The following CDC6 variants were observed in gnomAD, a reference collection of about 807,000 sequenced individuals.
CDC6 encodes the protein cell division cycle 6.
In CDC6, 46 loss-of-function variants were observed where a neutral mutation model predicts 60.2. The ratio of observed to expected loss-of-function variants is 0.76; its 90% CI spans 0.60 to 0.98. The LOEUF (loss-of-function observed/expected upper bound fraction) is 0.98, where lower values mean the gene tolerates loss of function less well. CDC6 is among the 50% of genes least tolerant of loss of function. The pLI, the probability that CDC6 is intolerant of heterozygous loss-of-function variation, is 0.00. For synonymous variants in CDC6, 210 were observed against 233.2 expected (o/e 0.90, Z 0.90); for missense variants, 596 against 652.9 (o/e 0.91, Z 0.95).
In CDC6 at chr17:40,302,699, A is replaced by T. The variant is rs2032957779; in HGVS notation, c.*698A>T. 1 of 152,260 alleles carries T rather than the reference A, an allele frequency of 6.6e-6. No homozygotes were observed. Among genetic ancestry groups the T allele is most frequent in the South Asian group, 2.1e-4 (1 of 4,828 alleles). 9.4% of individuals were successfully genotyped at this position (152,260 alleles called of 1,614,324 possible). On this transcript the variant is annotated 3_prime_UTR_variant, in exon 12 of 12. Coordinates refer to ENST00000209728, the MANE Select transcript of CDC6 (RefSeq NM_001254.4). ...GAACTTTAAGTTTAGGGTAAGAAGA[A>T]TGAAAATGATCCAGAAAAATGCAAG...
chr17:40,296,880 A>G lies in CDC6; in HGVS notation c.1249+113A>G, dbSNP rs1598517068. On this transcript the variant is annotated intron_variant, in intron 9 of 11. Transcript: ENST00000209728. ...GTTAAATCCAAACTCACCCATTTTT[A>G]TGTGTGTCTGTGTTTTTAGTCCGTT... is the stretch of plus-strand genomic sequence containing the variant. 3.2e-5 allele frequency: 26 copies of G among 800,906 alleles called. 1 individual carries two copies. The South Asian group carries it at 3.6e-4, about 11-fold the overall frequency. The allele number at this position is 800,906 out of a possible 1,614,324, so 49.6% of individuals were successfully genotyped here.
At chr17:40,293,883 C>A in intron 5 of CDC6, 67 bp from the exon 6 acceptor site, 1 of 1,340,230 alleles carries the variant, frequency 7.5e-7, no homozygotes, top group South Asian at 1.2e-5. Flanking sequence ...GACCTGAAGT[C>A]AGCCTATATC....
Position 40,300,988 on chromosome 17 carries a change from C to T in CDC6, c.1410C>T (p.Leu470=), listed in dbSNP as rs2143111587. The part of the protein sequence containing the change: ...QQKILVCSLM[L]LIRQLKIKEV... ...AGATCTTGGTTTGCTCTTTGATGCT[C>T]TTGATCAGGCAGTTGAAAATCAAAG... The change falls in exon 10 of 12, where the codon CTC becomes CTT. Residue 470 remains leucine (L), a synonymous_variant. Coordinates refer to ENST00000209728, the MANE Select transcript of CDC6 (RefSeq NM_001254.4). The T allele has an allele frequency of 7.4e-6, 12 of 1,613,992 alleles. No homozygotes were observed. Among genetic ancestry groups the T allele is most frequent in the African/African-American group, 1.3e-5 (1 of 75,012 alleles).
rs757350403 is a variant in CDC6 at position 40,293,597 on chromosome 17, G to GA, written c.807dup (p.His270ThrfsTer33). 6.2e-7 allele frequency: 1 copy of GA among 1,613,914 alleles called. No individual in the cohort carries two copies. Among genetic ancestry groups the GA allele is most frequent in the Admixed American group, 1.7e-5 (1 of 60,006 alleles). ...TGGGAAGGACATGATGAGGAAATTGGAAAAACATATGACTGCAGAGAAGGG... is the reference window on the plus strand; with the variant it reads ...TGGGAAGGACATGATGAGGAAATTGGAAAAAACATATGACTGCAGAGAAGGG... On this transcript the variant is annotated frameshift_variant, in exon 5 of 12. Coordinates refer to ENST00000209728, the MANE Select transcript of CDC6 (RefSeq NM_001254.4). LOFTEE classifies it high-confidence loss of function.
intron 6 of CDC6, 31 bp from the exon 7 acceptor site, chr17:40,294,333 C>A (rs747141124): frequency 1.3e-6 from 2 of 1,534,774 alleles, no homozygotes; most frequent in South Asian, 1.1e-5. Context: ...ATAATTTGAC[C>A]AATGATCAAT....
intron 2 of CDC6, 96 bp from the exon 3 acceptor site, chr17:40,290,962 A>G (rs2143073006): frequency 2.3e-6 from 3 of 1,282,986 alleles, no homozygotes; most frequent in Non-Finnish European, 3.4e-6. Context: ...TGACTAAGGT[A>G]GAAATTCACC....
chr17:40,291,079 C>T lies in CDC6; in HGVS notation c.200C>T (p.Thr67Ile), dbSNP rs144462170. The T allele has an allele frequency of 6.2e-6, 10 of 1,614,126 alleles. No homozygotes were observed. The East Asian group carries it at 2.0e-4, about 32-fold the overall frequency. The change falls in exon 3 of 12, where the codon ACT becomes ATT. Residue 67 changes from threonine to isoleucine, a missense_variant. Transcript: ENST00000209728. ...KRLGDDNLCNTPHLPPCSPPK... is the reference protein window; with the variant it reads ...KRLGDDNLCNIPHLPPCSPPK... Reference sequence around the variant, plus strand: ...TCAGGCGATGACAACCTATGCAACACTCCCCATTTACCTCCTTGTTCTCCA... The same window carrying T: ...TCAGGCGATGACAACCTATGCAACATTCCCCATTTACCTCCTTGTTCTCCA...
Position 40,293,470 on chromosome 17 carries a change from C to T in CDC6, c.675C>T (p.Gly225=). 2 of 1,613,892 alleles carry T rather than the reference C, an allele frequency of 1.2e-6. No homozygotes were observed. The highest frequency in any genetic ancestry group is 1.1e-5 in the South Asian group (1 of 91,076). Residue 225 remains glycine (G), a synonymous_variant, in exon 5 of 12, where the codon GGC becomes GGT. Transcript: ENST00000209728. ...ILQDLKKELK[G]FKTIMLNCMS... ...TTTTTTTCCAGAAGGAACTGAAAGG[C>T]TTTAAAACTATCATGCTGAATTGCA...
chr17:40,294,547 C>A, intron 7 of CDC6, 44 bp downstream of exon 7: 1 of 1,591,068 alleles, frequency 6.3e-7, no homozygotes, highest in South Asian at 1.1e-5. Flanking sequence ...CCTTGGATCA[C>A]CTGTGCTAGG....
Position 40,289,548 on chromosome 17 carries a change from C to T in CDC6, c.128C>T (p.Thr43Ile), listed in dbSNP as rs1171630055. 6.2e-7 allele frequency: 1 copy of T among 1,614,040 alleles called. No individual in the cohort carries two copies. The highest frequency in any genetic ancestry group is 2.2e-5 in the East Asian group (1 of 44,870). ...KLEPTNVQTVTCSPRVKALPL... is the reference protein window; with the variant it reads ...KLEPTNVQTVICSPRVKALPL... Reference sequence around the variant, plus strand: ...GAACCAACAAATGTCCAAACCGTAACCTGTTCTCCTCGTGTAAAAGCCCTG... The same window carrying T: ...GAACCAACAAATGTCCAAACCGTAATCTGTTCTCCTCGTGTAAAAGCCCTG... Residue 43 changes from threonine to isoleucine, a missense_variant, in exon 2 of 12, where the codon ACC becomes ATC. Transcript: ENST00000209728.
Position 40,302,321 on chromosome 17 carries a change from C to T in CDC6, c.*320C>T. 1 of 299,862 alleles carries T rather than the reference C, an allele frequency of 3.3e-6. No homozygotes were observed. Among genetic ancestry groups the T allele is most frequent in the South Asian group, 4.1e-5 (1 of 24,498 alleles). 18.6% of individuals were successfully genotyped at this position (299,862 alleles called of 1,614,324 possible). On this transcript the variant is annotated 3_prime_UTR_variant, in exon 12 of 12. Transcript: ENST00000209728. The stretch of plus-strand genomic sequence containing the variant: ...GTGTGTATATTTACCTCTTCGTTTG[C>T]TCAAACATGAGTGGGTATTTTTTTG...
chr17:40,301,380 C>T (rs2032938186), intron 10 of CDC6, 88 bp from the exon 11 acceptor site: 1 of 1,368,910 alleles, frequency 7.3e-7, no homozygotes, highest in Non-Finnish European at 1.0e-6. Flanking sequence ...TAAGTTTTTG[C>T]AAACCCAGAC....
chr17:40,302,316 G>A lies in CDC6; in HGVS notation c.*315G>A, dbSNP rs761582695. The A allele has an allele frequency of 4.2e-5, 13 of 306,156 alleles. No homozygotes were observed. In the East Asian group the frequency reaches 4.5e-4, roughly 11 times the overall value. The allele number at this position is 306,156 out of a possible 1,614,324, so 19.0% of individuals were successfully genotyped here. ...GGAATGTGTGTATATTTACCTCTTCGTTTGCTCAAACATGAGTGGGTATTT... is the reference window on the plus strand; with the variant it reads ...GGAATGTGTGTATATTTACCTCTTCATTTGCTCAAACATGAGTGGGTATTT... On this transcript the variant is annotated 3_prime_UTR_variant, in exon 12 of 12. Coordinates refer to ENST00000209728, the MANE Select transcript of CDC6 (RefSeq NM_001254.4).
At position 40,293,926 on chromosome 17, in the gene CDC6, TACTA is replaced by T. The variant is rs750702015; in HGVS notation, c.837-20_837-17del. On this transcript the variant is annotated intron_variant, in intron 5 of 11. Coordinates refer to ENST00000209728, the MANE Select transcript of CDC6 (RefSeq NM_001254.4). ...AGAGGGTTAAGAAGGTGAATATGGA[TACTA>T]ACTGTTTCTCTTTTTATAGTGTGTT... 16 of 1,566,818 alleles carry T rather than the reference TACTA, an allele frequency of 1.0e-5. No individual in the cohort carries two copies. In the East Asian group the frequency reaches 2.0e-4, roughly 20 times the overall value.
chr17:40,288,112 T>A (rs2032690798), intron 1 of CDC6, 22 bp downstream of exon 1: 1 of 153,348 alleles, frequency 6.5e-6, no homozygotes, highest in Admixed American at 6.5e-5. Flanking sequence ...GGAAAAGAGC[T>A]GAGCTCGCTG....
At chr17:40,295,487 T>TA (rs540753983) in intron 8 of CDC6, 31 bp downstream of exon 8, 47,679 of 1,108,736 alleles carry the variant, frequency 0.043, 32 homozygotes, top group Non-Finnish European at 0.05. Flanking sequence ...ATTCTTTTAT[T>TA]AAAAAAAAAA....
chr17:40,289,743 C>G, intron 2 of CDC6, 145 bp downstream of exon 2: 1 of 638,114 alleles, frequency 1.6e-6, no homozygotes, highest in Non-Finnish European at 2.6e-6. Flanking sequence ...GAGTCTCGCT[C>G]CATCTCCCAG....
intron 8 of CDC6, among the ~76,000 whole-genome samples, chr17:40,295,815 T>C (rs1246494256): frequency 6.6e-6 from 1 of 152,216 alleles, no homozygotes; most frequent in Non-Finnish European, 1.5e-5. Context: ...CCTTTAGACT[T>C]GTTCCCCTTC....
intron 9 of CDC6, among the ~76,000 whole-genome samples, chr17:40,299,646 C>T (rs969304679): frequency 3.3e-5 from 5 of 151,906 alleles, no homozygotes; most frequent in African/African-American, 1.2e-4. Context: ...GCCCATAATC[C>T]CAGTGCTTTG....
Sources: gnomAD v4.1 joint callset for allele counts (sites outside exome capture counted in the v4.1 genomes callset) on GRCh38, gnomAD v4.1.1 for gene constraint, MANE v1.5 for transcripts, NCBI Gene and HGNC (gene_info 2026-07-23, HGNC 2026-07-21) for gene names.